The following SDK2 variants were observed in gnomAD, a reference collection of about 807,000 sequenced individuals.
SDK2 encodes sidekick cell adhesion molecule 2, also known as protein sidekick-2.
Under a neutral mutation model 253.9 loss-of-function variants are expected in SDK2, and 105 were observed. The observed-to-expected ratio is 0.41, with a 90% CI of 0.35 to 0.49. The LOEUF (loss-of-function observed/expected upper bound fraction) is 0.49, where lower values mean the gene tolerates loss of function less well. SDK2 is among the 20% of genes least tolerant of loss of function. The pLI is 0.06. For missense variants in SDK2, 2,608 were observed against 3,003.0 expected (o/e 0.87, Z 3.07); for synonymous variants, 1,249 against 1,234.9 (o/e 1.01, Z -0.24).
At chr17:73,529,798 G>T (rs1280040112) in intron 1 of SDK2, among the ~76,000 whole-genome samples, 1 of 152,218 alleles carries the variant, frequency 6.6e-6, no homozygotes, top group Non-Finnish European at 1.5e-5. Context: ...AGCACCTCCA[G>T]AAGGAACCCG....
chr17:73,386,045 G>C, intron 31 of SDK2, 128 bp from the exon 32 acceptor site: 1 of 653,876 alleles, frequency 1.5e-6, no homozygotes, highest in Non-Finnish European at 2.7e-6. Context: ...CTCCATGCCT[G>C]CTGGCCCGAT....
chr17:73,489,513 C>T (rs1025933796), intron 2 of SDK2, among the ~76,000 whole-genome samples: 1 of 152,198 alleles, frequency 6.6e-6, no homozygotes, highest in Non-Finnish European at 1.5e-5. Context: ...CCCAGATGGC[C>T]GGAGCTTCCT....
At chr17:73,427,301 A>G (rs2063291188) in intron 12 of SDK2, among the ~76,000 whole-genome samples, 1 of 152,222 alleles carries the variant, frequency 6.6e-6, no homozygotes, top group South Asian at 2.1e-4. Context: ...GCCAATCCAG[A>G]GTGTTGAATA....
chr17:73,587,094 A>C (rs2045612387), intron 1 of SDK2, among the ~76,000 whole-genome samples: 1 of 152,214 alleles, frequency 6.6e-6, no homozygotes, highest in Admixed American at 6.5e-5. Flanking sequence ...TATTCCACTA[A>C]GTGACCTGCC....
Position 73,643,629 on chromosome 17 carries a change from C to G in SDK2, c.64+396G>C, listed in dbSNP as rs1413471822. ...GGGCCCTGCCCTTCCCCGCAGACAC[C>G]GAGCAGGGAACCAGGAGCTCGGTCT... On this transcript the variant is annotated intron_variant, in intron 1 of 44. Coordinates refer to ENST00000392650, the MANE Select transcript of SDK2 (RefSeq NM_001144952.2). This position sits in a 1 kb window ranked among gnomAD's most constrained non-coding sequence, Gnocchi z 6.9. Among the ~76,000 whole-genome samples the G allele has an allele frequency of 6.6e-6, 1 of 152,106 alleles. No homozygotes were observed. Among genetic ancestry groups the G allele is most frequent in the Non-Finnish European group, 1.5e-5 (1 of 67,978 alleles).
Position 73,390,303 on chromosome 17 carries a change from C to CGCCGCA in SDK2, c.4175_4176insTGCGGC (p.Val1392_Thr1393insAlaAla). 1 of 1,588,830 alleles carries CGCCGCA rather than the reference C, an allele frequency of 6.3e-7. No homozygotes were observed. The highest frequency in any genetic ancestry group is 8.5e-7 in the Non-Finnish European group (1 of 1,171,174). ...GGCAGTCACCTCTCTTCTCGGTGGT[C>CGCCGCA]ACCACCAAGGCCTCGGCAGCTTCTC... On this transcript the variant is annotated inframe_insertion, in exon 29 of 45. Coordinates refer to ENST00000392650, the MANE Select transcript of SDK2 (RefSeq NM_001144952.2).
chr17:73,549,764 A>C (rs2045025374), intron 1 of SDK2, among the ~76,000 whole-genome samples: 1 of 152,094 alleles, frequency 6.6e-6, no homozygotes, highest in South Asian at 2.1e-4. Context: ...GGGCAGAGAC[A>C]AGGAGAGGGG....
intron 2 of SDK2, among the ~76,000 whole-genome samples, chr17:73,485,270 T>C (rs1567800379): frequency 6.6e-6 from 1 of 151,974 alleles, no homozygotes; most frequent in Non-Finnish European, 1.5e-5. Flanking sequence ...CAGGTGCTGA[T>C]GGAGGCTGAG....
At position 73,398,316 on chromosome 17, in the gene SDK2, T is replaced by C. The variant is rs1455450924; in HGVS notation, c.3203+4A>G. 1.2e-6 allele frequency: 2 copies of C among 1,612,822 alleles called. No individual in the cohort carries two copies. Among genetic ancestry groups the C allele is most frequent in the Non-Finnish European group, 1.7e-6 (2 of 1,178,962 alleles). On this transcript the variant is annotated splice_donor_region_variant and intron_variant, in intron 23 of 44. Transcript: ENST00000392650. Reference sequence around the variant, plus strand: ...CTGCCTTCTCCCCGGGCCAGTCTCATTACCTGTAGCAGGTGAAGGGGTTGA... The same window carrying C: ...CTGCCTTCTCCCCGGGCCAGTCTCACTACCTGTAGCAGGTGAAGGGGTTGA...
chr17:73,362,155 A>G (rs1024481654), intron 38 of SDK2, among the ~76,000 whole-genome samples: 3 of 152,236 alleles, frequency 2.0e-5, no homozygotes, highest in African/African-American at 7.2e-5. Context: ...AGAAAAGAGA[A>G]CACTCGCCAT....
At chr17:73,357,939 A>G in intron 40 of SDK2, 140 bp downstream of exon 40, 3 of 1,338,236 alleles carry the variant, frequency 2.2e-6, no homozygotes, top group Non-Finnish European at 3.2e-6. Context: ...CCCACTCCTC[A>G]ACAGGGCCAG....
At chr17:73,579,634 T>C (rs553137042) in intron 1 of SDK2, among the ~76,000 whole-genome samples, 1 of 152,116 alleles carries the variant, frequency 6.6e-6, no homozygotes, top group Non-Finnish European at 1.5e-5. Context: ...TGAGGTAAAA[T>C]GAGGTCAGTA....
chr17:73,439,584 C>T (rs912197335), intron 6 of SDK2, among the ~76,000 whole-genome samples: 2 of 152,314 alleles, frequency 1.3e-5, no homozygotes, highest in East Asian at 1.9e-4. Flanking sequence ...AGGACATGCT[C>T]TCCCTCTCCA....
intron 38 of SDK2, among the ~76,000 whole-genome samples, chr17:73,363,893 C>T (rs983642779): frequency 6.6e-6 from 1 of 151,836 alleles, no homozygotes; most frequent in Admixed American, 6.6e-5. Flanking sequence ...GGGCCTGGCT[C>T]CCCCCTGGTG....
chr17:73,583,113 A>G (rs1361584914), intron 1 of SDK2, among the ~76,000 whole-genome samples: 2 of 152,312 alleles, frequency 1.3e-5, no homozygotes, highest in Non-Finnish European at 2.9e-5. Context: ...GGACCGCTCA[A>G]CTAGGTCACA....
Position 73,643,967 on chromosome 17 carries a change from C to CCCCCCCCCCCCCCCCA in SDK2, c.64+57_64+58insTGGGGGGGGGGGGGGG. The CCCCCCCCCCCCCCCCA allele has an allele frequency of 1.1e-6, 1 of 902,244 alleles. No homozygotes were observed. Among genetic ancestry groups the CCCCCCCCCCCCCCCCA allele is most frequent in the Non-Finnish European group, 1.7e-6 (1 of 571,514 alleles). The allele number at this position is 902,244 out of a possible 1,614,324, so 55.9% of individuals were successfully genotyped here. ...GTGAGGCCGGCCAGCTCCCGCCGCC[C>CCCCCCCCCCCCCCCCA]CTCCCCCGCCCACTCTCCCAGCCCC... On this transcript the variant is annotated intron_variant, in intron 1 of 44. Coordinates refer to ENST00000392650, the MANE Select transcript of SDK2 (RefSeq NM_001144952.2). This position sits in a 1 kb window ranked among gnomAD's most constrained non-coding sequence, Gnocchi z 6.9.
chr17:73,409,254 G>T (rs1234302352), intron 18 of SDK2, among the ~76,000 whole-genome samples: 3 of 152,226 alleles, frequency 2.0e-5, no homozygotes, highest in Non-Finnish European at 4.4e-5. Flanking sequence ...GCCAAGGTGG[G>T]TGGATCATTT....
At chr17:73,446,546 C>A (rs566331907) in intron 5 of SDK2, among the ~76,000 whole-genome samples, 2 of 152,178 alleles carry the variant, frequency 1.3e-5, no homozygotes, top group African/African-American at 4.8e-5. Flanking sequence ...GATGGCAAGG[C>A]CTGGGAATGT....
rs1280707641 is a variant in SDK2, at chr17:73,541,243, G to A, written c.65-33646C>T. 6.6e-6 allele frequency among the ~76,000 whole-genome samples: 1 copy of A among 152,230 alleles called. No homozygotes were observed. The highest frequency in any genetic ancestry group is 1.9e-4 in the East Asian group (1 of 5,188). The stretch of plus-strand genomic sequence containing the variant: ...GGGAGGTGCCCGGGGGGCTGCAGGG[G>A]ATGGGCTGCAGTGTGTGGAAAGAGC... On this transcript the variant is annotated intron_variant, in intron 1 of 44. Coordinates refer to ENST00000392650, the MANE Select transcript of SDK2 (RefSeq NM_001144952.2). This position sits in a 1 kb window ranked among gnomAD's most constrained non-coding sequence, Gnocchi z 4.3.
Sources: allele counts gnomAD v4.1 joint callset (sites outside exome capture counted in the v4.1 genomes callset), GRCh38; gene constraint gnomAD v4.1.1; non-coding constraint Gnocchi (gnomAD v3.1); transcripts MANE v1.5; gene names NCBI Gene and HGNC (gene_info 2026-07-23, HGNC 2026-07-21).